The following GTF2I variants were observed in gnomAD, a reference collection of about 807,000 sequenced individuals.
GTF2I encodes general transcription factor IIi.
A neutral mutation model predicts 67.6 loss-of-function variants in GTF2I; 12 were observed. That is an observed-to-expected ratio of 0.18 (90% CI 0.11 to 0.29). The LOEUF (loss-of-function observed/expected upper bound fraction) is 0.29, where lower values mean the gene tolerates loss of function less well. Ranked by LOEUF, GTF2I falls within the 10% of genes least tolerant of loss-of-function variation. The pLI is 1.00. For synonymous variants in GTF2I, 149 were observed against 197.0 expected (o/e 0.76, Z 2.04); for missense variants, 271 against 580.1 (o/e 0.47, Z 5.47).
chr7:74,724,101 T>C (rs114856133), intron 12 of GTF2I, among the ~76,000 whole-genome samples: 1,825 of 152,320 alleles, frequency 0.012, 41 homozygotes, highest in African/African-American at 0.041. Flanking sequence ...ACATAATTGC[T>C]TAGGTTAGCA....
chr7:74,681,546 T>G (rs1254605806), intron 1 of GTF2I, among the ~76,000 whole-genome samples: 1 of 152,240 alleles, frequency 6.6e-6, no homozygotes, highest in Non-Finnish European at 1.5e-5. Flanking sequence ...CCGTGTCATC[T>G]TGTTCTGACC....
chr7:74,673,697 T>A (rs1160362724), intron 1 of GTF2I, among the ~76,000 whole-genome samples: 1 of 147,760 alleles, frequency 6.8e-6, no homozygotes, highest in Non-Finnish European at 1.5e-5. Context: ...TTTTTTTTTT[T>A]TTTGAGACCA....
chr7:74,705,707 A>C (rs1053687165), intron 7 of GTF2I, among the ~76,000 whole-genome samples: 1 of 151,958 alleles, frequency 6.6e-6, no homozygotes, highest in Non-Finnish European at 1.5e-5. Flanking sequence ...GACTACAAGC[A>C]TGTGCCACCA....
intron 1 of GTF2I, among the ~76,000 whole-genome samples, chr7:74,666,094 C>T (rs1406682973): frequency 6.6e-6 from 1 of 152,208 alleles, no homozygotes; most frequent in Non-Finnish European, 1.5e-5. Context: ...CTGCCCATCT[C>T]AGCCTCCCAA....
chr7:74,670,870 G>A (rs1368064227), intron 1 of GTF2I, among the ~76,000 whole-genome samples: 1 of 152,020 alleles, frequency 6.6e-6, no homozygotes, highest in Non-Finnish European at 1.5e-5. Flanking sequence ...GGCAGAGTAA[G>A]CTGCTGCTGT....
chr7:74,661,267 T>G (rs1804464332), intron 1 of GTF2I, among the ~76,000 whole-genome samples: 1 of 152,190 alleles, frequency 6.6e-6, no homozygotes, highest in African/African-American at 2.4e-5. Context: ...GCATTTCGAT[T>G]AGCTCCCCAG....
chr7:74,695,110 C>A (rs1305669411), intron 3 of GTF2I, among the ~76,000 whole-genome samples: 1 of 152,186 alleles, frequency 6.6e-6, no homozygotes, highest in African/African-American at 2.4e-5. Context: ...TAAGGAGATG[C>A]TTGCCATTTT....
chr7:74,665,907 C>T (rs966856706), intron 1 of GTF2I, among the ~76,000 whole-genome samples: 15 of 152,332 alleles, frequency 9.8e-5, no homozygotes, highest in South Asian at 6.2e-4. Context: ...GATCCCAGCT[C>T]ATTGCAACCT....
intron 12 of GTF2I, among the ~76,000 whole-genome samples, chr7:74,719,724 A>G (rs782290092): frequency 1.2e-4 from 19 of 152,152 alleles, no homozygotes; most frequent in Non-Finnish European, 2.2e-4. Context: ...GCTCAAGACC[A>G]GCCTGACCAG....
chr7:74,676,722 T>C (rs1805935940), intron 1 of GTF2I, among the ~76,000 whole-genome samples: 2 of 152,184 alleles, frequency 1.3e-5, no homozygotes, highest in Admixed American at 1.3e-4. Flanking sequence ...TTTTGGCTTT[T>C]AGTACTTAAT....
intron 1 of GTF2I, among the ~76,000 whole-genome samples, chr7:74,671,130 A>C (rs1451961843): frequency 8.3e-6 from 1 of 120,188 alleles, no homozygotes; most frequent in African/African-American, 3.3e-5. Flanking sequence ...TCTGTTGCCC[A>C]GGGTGGAGTG....
intron 12 of GTF2I, among the ~76,000 whole-genome samples, chr7:74,724,134 T>G (rs971833504): frequency 3.9e-5 from 6 of 152,230 alleles, no homozygotes; most frequent in African/African-American, 1.4e-4. Flanking sequence ...GTTTTAAATT[T>G]TTTTTATTGC....
chr7:74,686,374 G>A (rs1222272262), intron 1 of GTF2I, among the ~76,000 whole-genome samples: 1 of 152,206 alleles, frequency 6.6e-6, no homozygotes, highest in East Asian at 1.9e-4. Context: ...GATTTATGGC[G>A]ATTAAAGATG....
intron 1 of GTF2I, among the ~76,000 whole-genome samples, chr7:74,686,201 G>T (rs1251011281): frequency 6.6e-6 from 1 of 152,140 alleles, no homozygotes; most frequent in African/African-American, 2.4e-5. Flanking sequence ...CAGAAAAAGT[G>T]GGGGTGGTGG....
intron 7 of GTF2I, among the ~76,000 whole-genome samples, chr7:74,705,553 CTTT>C (rs11439887): frequency 1.4e-5 from 2 of 141,422 alleles, no homozygotes; most frequent in Non-Finnish European, 1.5e-5. Flanking sequence ...GTTGGTAACT[CTTT>C]TTTTTTTTTT....
At chr7:74,673,757 T>C (rs1367186098) in intron 1 of GTF2I, among the ~76,000 whole-genome samples, 1 of 145,528 alleles carries the variant, frequency 6.9e-6, no homozygotes, top group African/African-American at 2.6e-5. Context: ...CTCAGCTCAC[T>C]GCAACCTCCA....
At chr7:74,693,278 T>C (rs1788530885) in intron 3 of GTF2I, among the ~76,000 whole-genome samples, 1 of 141,254 alleles carries the variant, frequency 7.1e-6, no homozygotes, top group Non-Finnish European at 1.5e-5. Flanking sequence ...TTTTTTTTTT[T>C]TTTTTTTTTT....
chr7:74,734,474 T>G (rs2131531440), intron 16 of GTF2I, among the ~76,000 whole-genome samples: 1 of 151,952 alleles, frequency 6.6e-6, no homozygotes, highest in East Asian at 1.9e-4. Context: ...CAGGCTGGAG[T>G]GCAGTGGTGC....
intron 3 of GTF2I, among the ~76,000 whole-genome samples, chr7:74,697,265 C>T (rs932182747): frequency 6.6e-5 from 10 of 151,834 alleles, no homozygotes; most frequent in East Asian, 3.9e-4. Context: ...AGTGGTGGCG[C>T]GCACCTGTAA....
Sources: gnomAD v4.1 joint callset for allele counts (sites outside exome capture counted in the v4.1 genomes callset) on GRCh38, gnomAD v4.1.1 for gene constraint, MANE v1.5 for transcripts, NCBI Gene and HGNC (gene_info 2026-07-23, HGNC 2026-07-21) for gene names.